The following AGAP1 variants were observed in gnomAD, a reference collection of about 807,000 sequenced individuals.
AGAP1 encodes arf-GAP with GTPase, ANK repeat and PH domain-containing protein 1.
In AGAP1, 29 loss-of-function variants were observed where a neutral mutation model predicts 105.3. The ratio of observed to expected loss-of-function variants is 0.28; its 90% confidence interval spans 0.21 to 0.38. The LOEUF (loss-of-function observed/expected upper bound fraction) is 0.38, where lower values mean the gene tolerates loss of function less well. Ranked by LOEUF, AGAP1 falls within the 10% of genes least tolerant of loss-of-function variation. The probability of loss-of-function intolerance (pLI) is 1.00; values close to 1 mark genes in which losing one functional copy is unlikely to be tolerated. For synonymous variants in AGAP1, 509 were observed against 485.9 expected, an observed-to-expected ratio of 1.05 and a Z score of -0.63; for missense variants, 998 against 1,165.1, an observed-to-expected ratio of 0.86 and a Z score of 2.09.
rs1378536441 is a variant in AGAP1, at chr2:235,753,447, G to T, written c.673+2959G>T. On this transcript the variant is annotated intron_variant, in intron 6 of 17. Transcript: ENST00000304032. This position sits in a 1 kb window ranked among gnomAD's most constrained non-coding sequence, Gnocchi z 4.5. The stretch of plus-strand genomic sequence containing the variant: ...TGGCTGGGCGCAGTGGCTCAGGCCT[G>T]TAATCCCAACACTTTGGGAGGCTGA... 6.6e-6 allele frequency among the ~76,000 whole-genome samples: 1 copy of T among 152,114 alleles called. No homozygotes were observed. The highest frequency in any genetic ancestry group is 6.6e-5 in the Admixed American group (1 of 15,266).
chr2:235,996,018 T>C (rs1384421240), intron 13 of AGAP1, among the ~76,000 whole-genome samples: 3 of 152,188 alleles, frequency 2.0e-5, no homozygotes, highest in Non-Finnish European at 4.4e-5. Context: ...TTTGGATGTG[T>C]AAGCCCAAGC....
At chr2:235,941,954 C>T (rs1020965583) in intron 12 of AGAP1, among the ~76,000 whole-genome samples, 9 of 152,242 alleles carry the variant, frequency 5.9e-5, no homozygotes, top group African/African-American at 1.2e-4. Flanking sequence ...AAGGTTTGCC[C>T]GTGATCCTGA....
chr2:236,123,810 C>A lies in AGAP1; in HGVS notation c.2371-109C>A. 7.3e-7 allele frequency: 1 copy of A among 1,360,756 alleles called. No homozygotes were observed. The highest frequency in any genetic ancestry group is 1.0e-6 in the Non-Finnish European group (1 of 985,252). 84.3% of individuals were successfully genotyped at this position (1,360,756 alleles called of 1,614,324 possible). ...GCACCCCAGCCAGTTGTGTAGCTGGCCCCGCTGTCCAAGCACAAGCCACAT... is the reference window on the plus strand; with the variant it reads ...GCACCCCAGCCAGTTGTGTAGCTGGACCCGCTGTCCAAGCACAAGCCACAT... On this transcript the variant is annotated intron_variant, in intron 17 of 17. Coordinates refer to ENST00000304032, the MANE Select transcript of AGAP1 (RefSeq NM_001037131.3). This position sits in a 1 kb window ranked among gnomAD's most constrained non-coding sequence, Gnocchi z 4.6.
chr2:235,596,913 A>T lies in AGAP1; in HGVS notation c.163+102064A>T, dbSNP rs548588977. Among the ~76,000 whole-genome samples the T allele has an allele frequency of 6.6e-6, 1 of 152,256 alleles. No individual in the cohort carries two copies. The highest frequency in any genetic ancestry group is 6.5e-5 in the Admixed American group (1 of 15,302). On this transcript the variant is annotated intron_variant, in intron 1 of 17. Coordinates refer to ENST00000304032, the MANE Select transcript of AGAP1 (RefSeq NM_001037131.3). This position sits in a 1 kb window ranked among gnomAD's most constrained non-coding sequence, Gnocchi z 5.9. The stretch of plus-strand genomic sequence containing the variant: ...CTCAGGAGCGCTTGCTCTGTACCCT[A>T]TGAGGACATCATGAGGAGATATGGC...
At chr2:235,590,744 G>A (rs1291407791) in intron 1 of AGAP1, among the ~76,000 whole-genome samples, 4 of 127,832 alleles carry the variant, frequency 3.1e-5, no homozygotes, top group East Asian at 2.4e-4. Flanking sequence ...TTTTTGAGGC[G>A]GAGTCTTGCT....
rs2060057735 is a variant in AGAP1, at chr2:236,129,726, T to C, written c.*5604T>C. 3 of 152,220 alleles carry C rather than the reference T, an allele frequency of 2.0e-5. No homozygotes were observed. The allele number at this position is 152,220 out of a possible 1,614,324, so 9.4% of individuals were successfully genotyped here. ...ATTAATGGCCCCCCCATTTAATCAG[T>C]GTGTCTGCGGCTTTCTTCGCGTCAC... On this transcript the variant is annotated 3_prime_UTR_variant, in exon 18 of 18. Coordinates refer to ENST00000304032, the MANE Select transcript of AGAP1 (RefSeq NM_001037131.3). The surrounding 1 kb of genome is among the most constrained non-coding windows in gnomAD (Gnocchi z 6.2).
At chr2:235,827,695 G>T (rs184270324) in intron 9 of AGAP1, among the ~76,000 whole-genome samples, 17 of 152,172 alleles carry the variant, frequency 1.1e-4, no homozygotes, top group African/African-American at 3.9e-4. Context: ...CGGCTGAATC[G>T]TCACCGGCAT....
In AGAP1 at chr2:235,609,092, G is replaced by A. The variant is rs2149250650; in HGVS notation, c.164-100087G>A. 6.6e-6 allele frequency among the ~76,000 whole-genome samples: 1 copy of A among 152,312 alleles called. No individual in the cohort carries two copies. The highest frequency in any genetic ancestry group is 2.1e-4 in the South Asian group (1 of 4,826). On this transcript the variant is annotated intron_variant, in intron 1 of 17. Coordinates refer to ENST00000304032, the MANE Select transcript of AGAP1 (RefSeq NM_001037131.3). The surrounding 1 kb of genome is among the most constrained non-coding windows in gnomAD (Gnocchi z 5.1). ...ACAGAGCTTTGTCATTGGGAAGGATGCTTATCACAGGGGGCTGATGAATTT... is the reference window on the plus strand; with the variant it reads ...ACAGAGCTTTGTCATTGGGAAGGATACTTATCACAGGGGGCTGATGAATTT...
At position 236,124,236 on chromosome 2, in the gene AGAP1, C is replaced by G. The variant is rs1034190847; in HGVS notation, c.*114C>G. 2.5e-5 allele frequency: 29 copies of G among 1,172,974 alleles called. No individual in the cohort carries two copies. The highest frequency in any genetic ancestry group is 3.2e-5 in the Non-Finnish European group (26 of 825,378). The allele number at this position is 1,172,974 out of a possible 1,614,324, so 72.7% of individuals were successfully genotyped here. A position where few individuals can be genotyped will look rare whatever the true frequency, so the allele number is the denominator to read the frequency against. On this transcript the variant is annotated 3_prime_UTR_variant, in exon 18 of 18. Coordinates refer to ENST00000304032, the MANE Select transcript of AGAP1 (RefSeq NM_001037131.3). This position sits in a 1 kb window ranked among gnomAD's most constrained non-coding sequence, Gnocchi z 5.1. ...CGCATCCCCTCCCTCTTCCTGGTGG[C>G]CACCTCCCTCCCGCCCACCCACTCT...
chr2:235,654,521 C>T (rs535958024), intron 1 of AGAP1, among the ~76,000 whole-genome samples: 27 of 152,284 alleles, frequency 1.8e-4, no homozygotes, highest in East Asian at 1.5e-3. Flanking sequence ...GCATTGCTGT[C>T]GCAGTGTAGT....
intron 8 of AGAP1, among the ~76,000 whole-genome samples, chr2:235,802,980 G>A (rs867306908): frequency 0.019 from 40 of 2,070 alleles, no homozygotes; most frequent in East Asian, 0.1. Flanking sequence ...GGTTGTGGTT[G>A]TGATGGTTGT....
chr2:236,039,398 T>C (rs569445648), intron 14 of AGAP1, among the ~76,000 whole-genome samples: 8 of 152,118 alleles, frequency 5.3e-5, no homozygotes, highest in Non-Finnish European at 1.2e-4. Context: ...TGAGCTATGA[T>C]TGCACTACTC....
At chr2:235,629,268 TTGTGTGTGTGTGTGTGTGTG>T (rs60059513) in intron 1 of AGAP1, among the ~76,000 whole-genome samples, 208 of 135,816 alleles carry the variant, frequency 1.5e-3, no homozygotes, top group Middle Eastern at 3.7e-3. Context: ...GTAGTAGTCA[TTGTGTGTGTGTGTGTGTGTG>T]TGTGTGTGTG....
At position 235,608,087 on chromosome 2, in the gene AGAP1, C is replaced by T. The variant is rs1261584318; in HGVS notation, c.164-101092C>T. Reference sequence around the variant, plus strand: ...TCTCAGAGCGTGGGCGGGTTGGCATCGTCTGCACGTTGACCGGGTCGTTTT... The same window carrying T: ...TCTCAGAGCGTGGGCGGGTTGGCATTGTCTGCACGTTGACCGGGTCGTTTT... On this transcript the variant is annotated intron_variant, in intron 1 of 17. Transcript: ENST00000304032. This position sits in a 1 kb window ranked among gnomAD's most constrained non-coding sequence, Gnocchi z 5.4. Among the ~76,000 whole-genome samples, 2 of 152,160 alleles carry T rather than the reference C, an allele frequency of 1.3e-5. No individual in the cohort carries two copies. Among genetic ancestry groups the T allele is most frequent in the Non-Finnish European group, 2.9e-5 (2 of 68,044 alleles).
intron 13 of AGAP1, among the ~76,000 whole-genome samples, chr2:236,007,326 C>T (rs2056354524): frequency 6.6e-6 from 1 of 152,202 alleles, no homozygotes; most frequent in Non-Finnish European, 1.5e-5. Context: ...AGATGGCTTA[C>T]ATATAAGAGG....
At chr2:235,632,237 T>C (rs566338196) in intron 1 of AGAP1, among the ~76,000 whole-genome samples, 59 of 152,328 alleles carry the variant, frequency 3.9e-4, no homozygotes, top group African/African-American at 1.3e-3. Context: ...GTTTTCTGAC[T>C]TCATCTCCCA....
intron 1 of AGAP1, among the ~76,000 whole-genome samples, chr2:235,648,222 C>T (rs1440592183): frequency 6.6e-6 from 1 of 152,204 alleles, no homozygotes; most frequent in Non-Finnish European, 1.5e-5. Flanking sequence ...ACCTGCCCCT[C>T]CACCTCCTGT....
rs1168517244 is a variant in AGAP1, at chr2:236,024,224, A to C, written c.1646-12337A>C. ...TTTTTTAATTTATATTTTAGTAGAG[A>C]TGGGGTTTCACCATGTTGCCCAGGC... is the stretch of plus-strand genomic sequence containing the variant. On this transcript the variant is annotated intron_variant, in intron 13 of 17. Coordinates refer to ENST00000304032, the MANE Select transcript of AGAP1 (RefSeq NM_001037131.3). Among the ~76,000 whole-genome samples the C allele has an allele frequency of 5.3e-5, 8 of 151,762 alleles. No individual in the cohort carries two copies. In the East Asian group the frequency reaches 1.4e-3, roughly 26 times the overall value.
intron 1 of AGAP1, among the ~76,000 whole-genome samples, chr2:235,515,725 T>G (rs938622324): frequency 6.6e-6 from 1 of 152,238 alleles, no homozygotes; most frequent in African/African-American, 2.4e-5. Context: ...ACACGGATGC[T>G]AACCTGTAAG....
Sources: allele counts gnomAD v4.1 joint callset (sites outside exome capture counted in the v4.1 genomes callset), GRCh38; gene constraint gnomAD v4.1.1; non-coding constraint Gnocchi (gnomAD v3.1); transcripts MANE v1.5; gene names NCBI Gene and HGNC (gene_info 2026-07-23, HGNC 2026-07-21).